Variants in PLSCR2 observed in about 807,000 individuals in gnomAD.
The protein encoded by PLSCR2 is PL scramblase 2.
Under a neutral mutation model 25.3 loss-of-function variants are expected in PLSCR2, and 18 were observed. The ratio of observed to expected loss-of-function variants is 0.71; its 90% CI spans 0.49 to 1.06. PLSCR2 has a LOEUF of 1.06. Ranked by LOEUF, PLSCR2 falls within the 50% of genes least tolerant of loss-of-function variation. PLSCR2 has a pLI of 0.00. For missense variants in PLSCR2, 243 were observed against 269.5 expected (o/e 0.90, Z 0.69); for synonymous variants, 88 against 87.3 (o/e 1.01, Z -0.04).
At chr3:146,442,079 A>G (rs919829311) in intron 6 of PLSCR2, among the ~76,000 whole-genome samples, 2 of 152,044 alleles carry the variant, frequency 1.3e-5, no homozygotes, top group African/African-American at 4.8e-5. Flanking sequence ...CAATTTCTGT[A>G]AATGTCACTT....
chr3:146,432,871 G>A (rs373188228), downstream of PLSCR2, among the ~76,000 whole-genome samples: 52 of 152,000 alleles, frequency 3.4e-4, no homozygotes, highest in South Asian at 1.0e-2. Context: ...ATTCATTTTT[G>A]TCTGCTTTAT....
chr3:146,400,781 C>T (rs4476473), intron 2 of PLSCR2, among the ~76,000 whole-genome samples: 75,689 of 151,476 alleles, frequency 0.5, 19,507 homozygotes, highest in South Asian at 0.7. Flanking sequence ...ATCCTAGCTC[C>T]GTGTGTGTAT....
At chr3:146,393,754 A>G (rs1320813828) in intron 3 of PLSCR2, among the ~76,000 whole-genome samples, 1 of 148,816 alleles carries the variant, frequency 6.7e-6, no homozygotes, top group African/African-American at 2.5e-5. Context: ...GGTTGCAGTG[A>G]GCTGAGATTG....
chr3:146,420,822 T>G (rs942252357), intron 2 of PLSCR2, among the ~76,000 whole-genome samples: 2 of 152,066 alleles, frequency 1.3e-5, no homozygotes, highest in Non-Finnish European at 2.9e-5. Context: ...AATTATAGGT[T>G]TGTTAATTCT....
At chr3:146,431,029 C>G (rs920629114), downstream of PLSCR2, among the ~76,000 whole-genome samples, 1 of 152,164 alleles carries the variant, frequency 6.6e-6, no homozygotes, top group African/African-American at 2.4e-5. Flanking sequence ...AACTTCTCCT[C>G]TCCTGGGTGT....
intron 2 of PLSCR2, among the ~76,000 whole-genome samples, chr3:146,426,222 C>CCTCCCTCCTTCCCTCCCTCT (rs1559983766): frequency 2.7e-4 from 39 of 142,828 alleles, no homozygotes; most frequent in African/African-American, 9.8e-4. Context: ...TCCCTCCTTC[C>CCTCCCTCCTTCCCTCCCTCT]CTCCCTCCTT....
chr3:146,442,778 C>T (rs1245175559), intron 6 of PLSCR2, among the ~76,000 whole-genome samples: 1 of 151,904 alleles, frequency 6.6e-6, no homozygotes, highest in Non-Finnish European at 1.5e-5. Context: ...GATTTTGACC[C>T]TCATTTCACA....
chr3:146,492,193 A>G (rs191863531), intron 1 of PLSCR2, among the ~76,000 whole-genome samples: 1 of 152,294 alleles, frequency 6.6e-6, no homozygotes, highest in East Asian at 1.9e-4. Flanking sequence ...TTGAGATCAA[A>G]TACTCACTGC....
upstream of PLSCR2, among the ~76,000 whole-genome samples, chr3:146,463,618 T>G (rs950489091): frequency 2.6e-5 from 4 of 152,196 alleles, no homozygotes; most frequent in Non-Finnish European, 1.5e-5. Flanking sequence ...TTAATTACAA[T>G]GAACACATCG....
At chr3:146,410,171 A>ATG (rs2038799077) in intron 2 of PLSCR2, among the ~76,000 whole-genome samples, 3 of 151,808 alleles carry the variant, frequency 2.0e-5, no homozygotes, top group Non-Finnish European at 2.9e-5. Context: ...AGAAAATGAG[A>ATG]TGTGTGGGGT....
At chr3:146,433,107 T>C (rs1162755005), downstream of PLSCR2, among the ~76,000 whole-genome samples, 1 of 152,172 alleles carries the variant, frequency 6.6e-6, no homozygotes, top group African/African-American at 2.4e-5. Context: ...TAATTTATTG[T>C]GTTAGCTATC....
At chr3:146,442,900 T>C (rs553961756) in intron 6 of PLSCR2, among the ~76,000 whole-genome samples, 35 of 151,964 alleles carry the variant, frequency 2.3e-4, no homozygotes, top group Non-Finnish European at 4.4e-4. Flanking sequence ...GTTTGAGAAA[T>C]GATTTCTTGG....
chr3:146,445,047 A>C (rs1363619269), intron 6 of PLSCR2, among the ~76,000 whole-genome samples: 1 of 151,018 alleles, frequency 6.6e-6, no homozygotes, highest in Non-Finnish European at 1.5e-5. Flanking sequence ...AGTAATAAAA[A>C]ATCTACACTT....
chr3:146,392,850 CT>C (rs66802856), intron 3 of PLSCR2, among the ~76,000 whole-genome samples: 57 of 141,250 alleles, frequency 4.0e-4, no homozygotes, highest in East Asian at 6.1e-4. Flanking sequence ...TGGGTTTATT[CT>C]TTTTTTTTTT....
In PLSCR2 at chr3:146,483,197, A is replaced by G. The variant is rs891373641; in HGVS notation, c.-293+12698T>C. Among the ~76,000 whole-genome samples the G allele has an allele frequency of 2.0e-5, 3 of 150,372 alleles. No homozygotes were observed. The South Asian group carries it at 6.3e-4, about 31-fold the overall frequency. On this transcript the variant is annotated intron_variant, in intron 1 of 8. Coordinates refer to the PLSCR2 transcript ENST00000336685. ...GAACTTAAACAAATTTACAAGAAAA[A>G]AAACAAACAACCCCATCAAAAAGTG...
chr3:146,471,329 C>A lies in PLSCR2; in HGVS notation c.-292-11045G>T, dbSNP rs79806319. Among the ~76,000 whole-genome samples, 1,232 of 152,254 alleles carry A rather than the reference C, an allele frequency of 8.1e-3. 9 individuals carry two copies. The highest frequency in any genetic ancestry group is 0.013 in the Non-Finnish European group (851 of 68,008). The stretch of plus-strand genomic sequence containing the variant: ...CCTCTTCGATTCTAGAATACCAATT[C>A]TAAATGTTTCCTACTGTGAATGGCA... On this transcript the variant is annotated intron_variant, in intron 1 of 8. Coordinates refer to the PLSCR2 transcript ENST00000336685.
intron 2 of PLSCR2, among the ~76,000 whole-genome samples, chr3:146,420,786 A>G (rs2039122392): frequency 6.6e-6 from 1 of 152,270 alleles, no homozygotes; most frequent in South Asian, 2.1e-4. Flanking sequence ...TAGAGAAAAT[A>G]GGCGTATTGT....
intron 2 of PLSCR2, 133 bp from the exon 3 acceptor site, chr3:146,458,586 C>A: frequency 1.7e-6 from 1 of 575,322 alleles, no homozygotes; most frequent in Non-Finnish European, 2.6e-6. Flanking sequence ...AATAAGTTTG[C>A]TACCTTTTAT....
chr3:146,474,530 A>G (rs2042222870), intron 1 of PLSCR2, among the ~76,000 whole-genome samples: 6 of 152,154 alleles, frequency 3.9e-5, no homozygotes, highest in Admixed American at 3.9e-4. Context: ...TTCCCGTTGC[A>G]GGAGACCATG....
Sources: gnomAD v4.1 joint callset for allele counts (sites outside exome capture counted in the v4.1 genomes callset) on GRCh38, gnomAD v4.1.1 for gene constraint, MANE v1.5 for transcripts, NCBI Gene and HGNC (gene_info 2026-07-23, HGNC 2026-07-21) for gene names.